Variants in TRPC1 observed in about 807,000 individuals in gnomAD.
The protein encoded by TRPC1 is transient receptor potential cation channel subfamily C member 1.
In TRPC1, 42 loss-of-function variants were observed where a neutral mutation model predicts 88.2. The ratio of observed to expected loss-of-function variants is 0.48; its 90% confidence interval spans 0.37 to 0.62. TRPC1 has a LOEUF of 0.62. Ranked by LOEUF, TRPC1 falls within the 20% of genes least tolerant of loss-of-function variation. The probability of loss-of-function intolerance (pLI) is 0.00; values close to 1 mark genes in which losing one functional copy is unlikely to be tolerated. For missense variants in TRPC1, 699 were observed against 957.3 expected (o/e 0.73, Z 3.56); for synonymous variants, 288 against 331.8 (o/e 0.87, Z 1.43).
rs1487030455 is a variant in TRPC1 at position 142,806,864 on chromosome 3, C to T, written c.*629C>T. On this transcript the variant is annotated 3_prime_UTR_variant, in exon 13 of 13. Coordinates refer to ENST00000476941, the MANE Select transcript of TRPC1 (RefSeq NM_001251845.2). ...ATATTTACTTTTACATGGTTATAAT[C>T]ACTTTATATTTTTAATGTTTTTTTC... is the stretch of plus-strand genomic sequence containing the variant. 1 of 151,632 alleles carries T rather than the reference C, an allele frequency of 6.6e-6. No homozygotes were observed. The highest frequency in any genetic ancestry group is 1.5e-5 in the Non-Finnish European group (1 of 67,902). 9.4% of individuals were successfully genotyped at this position (151,632 alleles called of 1,614,324 possible). A position where few individuals can be genotyped will look rare whatever the true frequency, so the allele number is the denominator to read the frequency against.
intron 5 of TRPC1, 119 bp from the exon 6 acceptor site, chr3:142,780,715 C>T: frequency 9.4e-7 from 1 of 1,065,808 alleles, no homozygotes; most frequent in Non-Finnish European, 1.3e-6. Context: ...AAAATGACTT[C>T]AGATTTTGTG....
At chr3:142,784,549 T>C (rs1291408893) in intron 6 of TRPC1, among the ~76,000 whole-genome samples, 155 bp from the exon 7 acceptor site, 1 of 152,202 alleles carries the variant, frequency 6.6e-6, no homozygotes, top group Non-Finnish European at 1.5e-5. Flanking sequence ...TCTACATGCT[T>C]TTATTGTTAG....
chr3:142,736,101 T>C (rs1934126731), intron 1 of TRPC1, among the ~76,000 whole-genome samples: 1 of 152,122 alleles, frequency 6.6e-6, no homozygotes, highest in African/African-American at 2.4e-5. Flanking sequence ...GTTTCTCCTC[T>C]TATGATCATT....
chr3:142,735,070 T>A (rs974092679), intron 1 of TRPC1, among the ~76,000 whole-genome samples: 1 of 152,198 alleles, frequency 6.6e-6, no homozygotes, highest in Non-Finnish European at 1.5e-5. Context: ...AGGGAGCATT[T>A]GTGTCTAACT....
At chr3:142,789,649 C>T (rs1325472325) in intron 7 of TRPC1, among the ~76,000 whole-genome samples, 2 of 152,114 alleles carry the variant, frequency 1.3e-5, no homozygotes, top group Non-Finnish European at 2.9e-5. Context: ...TCTTTTGTTA[C>T]TCTGTAGTCT....
chr3:142,755,821 T>C (rs920449399), intron 4 of TRPC1, among the ~76,000 whole-genome samples: 3 of 152,222 alleles, frequency 2.0e-5, no homozygotes, highest in Admixed American at 6.5e-5. Context: ...ATTTACAGTA[T>C]GTTTAAAGTG....
In TRPC1 at chr3:142,724,564, T is replaced by G. The variant is rs768933766; in HGVS notation, c.5T>G (p.Met2Arg). Residue 2 changes from methionine (M) to arginine (R), a missense_variant, in exon 1 of 13, where the codon ATG becomes AGG. Met to Arg is a moderately conservative substitution (Grantham distance 91). Transcript: ENST00000476941. The surrounding 1 kb of genome is among the most constrained non-coding windows in gnomAD (Gnocchi z 5.6). ...CTGCCCCCTTCATGGGCCGCGATGA[T>G]GGCGGCCCTGTACCCGAGCACGGAC... M[M>R]AALYPSTDLS... 1 of 1,572,600 alleles carries G rather than the reference T, an allele frequency of 6.4e-7. No homozygotes were observed. Among genetic ancestry groups the G allele is most frequent in the Non-Finnish European group, 8.6e-7 (1 of 1,161,292 alleles).
At chr3:142,769,665 A>C (rs933101009) in intron 4 of TRPC1, among the ~76,000 whole-genome samples, 1 of 152,034 alleles carries the variant, frequency 6.6e-6, no homozygotes, top group Non-Finnish European at 1.5e-5. Flanking sequence ...GTTAATTTCC[A>C]CATATTTGTG....
At chr3:142,740,268 G>A (rs904469462) in intron 2 of TRPC1, among the ~76,000 whole-genome samples, 3 of 152,184 alleles carry the variant, frequency 2.0e-5, no homozygotes, top group African/African-American at 7.2e-5. Flanking sequence ...CTTAAACGTG[G>A]GTGACTAAGA....
chr3:142,740,202 T>A (rs1057255729), intron 2 of TRPC1, among the ~76,000 whole-genome samples: 2 of 152,314 alleles, frequency 1.3e-5, no homozygotes, highest in Admixed American at 6.5e-5. Context: ...CAAATCTTAG[T>A]GAATATTTTG....
intron 5 of TRPC1, among the ~76,000 whole-genome samples, chr3:142,779,081 AACTT>A (rs1172111995): frequency 6.6e-6 from 1 of 152,206 alleles, no homozygotes; most frequent in Non-Finnish European, 1.5e-5. Flanking sequence ...TATAAAATAA[AACTT>A]ACTCAACTCC....
rs564218727 is a variant in TRPC1 at position 142,805,733 on chromosome 3, G to T, written c.2155-275G>T. On this transcript the variant is annotated intron_variant, in intron 12 of 12. Coordinates refer to ENST00000476941, the MANE Select transcript of TRPC1 (RefSeq NM_001251845.2). The stretch of plus-strand genomic sequence containing the variant: ...TAAAGTCAGGATATGGACCATATTT[G>T]GCTTGTGGGTTGTAGTTTGCCAATC... Among the ~76,000 whole-genome samples the T allele has an allele frequency of 2.0e-5, 3 of 152,138 alleles. No individual in the cohort carries two copies. In the South Asian group the frequency reaches 6.2e-4, roughly 32 times the overall value.
intron 4 of TRPC1, among the ~76,000 whole-genome samples, chr3:142,748,993 C>T (rs933653001): frequency 2.0e-5 from 3 of 152,174 alleles, no homozygotes; most frequent in African/African-American, 7.2e-5. Flanking sequence ...TGAGCAAGAT[C>T]ACACGTGGGC....
intron 3 of TRPC1, among the ~76,000 whole-genome samples, chr3:142,746,009 G>A (rs148095383): frequency 6.6e-6 from 1 of 152,072 alleles, no homozygotes; most frequent in Non-Finnish European, 1.5e-5. Context: ...TACCCTTCTC[G>A]GCCTCCCAAA....
chr3:142,771,269 A>T (rs2108095831), intron 4 of TRPC1, among the ~76,000 whole-genome samples: 1 of 152,224 alleles, frequency 6.6e-6, no homozygotes, highest in Admixed American at 6.5e-5. Context: ...GAATTTTTTG[A>T]GTTCTTTTTT....
chr3:142,735,391 A>G (rs1277063569), intron 1 of TRPC1, among the ~76,000 whole-genome samples: 1 of 151,948 alleles, frequency 6.6e-6, no homozygotes, highest in Non-Finnish European at 1.5e-5. Context: ...CTGTTTATTT[A>G]TAGACTTCTA....
chr3:142,778,484 A>T (rs1935857543), intron 5 of TRPC1, among the ~76,000 whole-genome samples: 1 of 152,164 alleles, frequency 6.6e-6, no homozygotes, highest in South Asian at 2.1e-4. Context: ...TTTTAAAAAA[A>T]TCCTTAGAAA....
chr3:142,799,298 C>G (rs1936541616), intron 9 of TRPC1, among the ~76,000 whole-genome samples: 1 of 152,056 alleles, frequency 6.6e-6, no homozygotes, highest in South Asian at 2.1e-4. Context: ...AGTTAAACCG[C>G]CAAGTACTTT....
At chr3:142,758,166 C>A (rs182907353) in intron 4 of TRPC1, among the ~76,000 whole-genome samples, 29 of 152,216 alleles carry the variant, frequency 1.9e-4, no homozygotes, top group Admixed American at 7.2e-4. Flanking sequence ...AACCTCCATA[C>A]TGTTCTCTGG....
Sources: allele counts gnomAD v4.1 joint callset (sites outside exome capture counted in the v4.1 genomes callset), GRCh38; gene constraint gnomAD v4.1.1; non-coding constraint Gnocchi (gnomAD v3.1); transcripts MANE v1.5; gene names NCBI Gene and HGNC (gene_info 2026-07-23, HGNC 2026-07-21).